TMED3: variants seen among roughly 807,000 people sequenced by gnomAD.
TMED3 encodes the protein transmembrane p24 trafficking protein 3.
Under a neutral mutation model 15.0 loss-of-function variants are expected in TMED3, and 9 were observed. The ratio of observed to expected loss-of-function variants is 0.60; its 90% CI spans 0.36 to 1.04. The LOEUF is 1.04. TMED3 is among the 50% of genes least tolerant of loss of function. TMED3 has a pLI of 0.01. For missense variants in TMED3, 267 were observed against 278.9 expected (o/e 0.96, Z 0.30); for synonymous variants, 117 against 121.4 (o/e 0.96, Z 0.24).
rs1270451124 is a variant in TMED3, at chr15:79,314,011, T to A, written c.417+6T>A. The A allele has an allele frequency of 6.2e-7, 1 of 1,613,998 alleles. No individual in the cohort carries two copies. The highest frequency in any genetic ancestry group is 8.5e-7 in the Non-Finnish European group (1 of 1,180,008). ...GGGTCACAGCTCTCACCCAGGTGAGTGAACATTAGCAGTTCGGGGCTGCTG... is the reference window on the plus strand; with the variant it reads ...GGGTCACAGCTCTCACCCAGGTGAGAGAACATTAGCAGTTCGGGGCTGCTG... On this transcript the variant is annotated splice_donor_region_variant and intron_variant, in intron 2 of 2. Coordinates refer to ENST00000299705, the MANE Select transcript of TMED3 (RefSeq NM_007364.4).
Position 79,322,600 on chromosome 15 carries a change from T to C in TMED3, c.*386T>C. ...ATGCATGGGTCATTTGTCTTGGGTG[T>C]CCTATCCCATATGGAGAAGAAAGGG... On this transcript the variant is annotated 3_prime_UTR_variant, in exon 3 of 3. Transcript: ENST00000299705. The C allele has an allele frequency of 9.8e-7, 1 of 1,020,100 alleles. No individual in the cohort carries two copies. The highest frequency in any genetic ancestry group is 4.8e-4 in the Middle Eastern group (1 of 2,096). The allele number at this position is 1,020,100 out of a possible 1,614,324, so 63.2% of individuals were successfully genotyped here.
chr15:79,411,604 G>A, exon 3 of TMED3: 1 of 662,954 alleles, frequency 1.5e-6, no homozygotes, highest in Non-Finnish European at 2.8e-6. Flanking sequence ...CATGCACTGG[G>A]ACTAGCTCCT....
chr15:79,398,100 G>A (rs943696887), intron 2 of TMED3, among the ~76,000 whole-genome samples: 1 of 152,070 alleles, frequency 6.6e-6, no homozygotes, highest in Non-Finnish European at 1.5e-5. Flanking sequence ...ATCATACAGA[G>A]TAGTTTCACT....
chr15:79,385,670 C>T (rs147493511), intron 2 of TMED3, among the ~76,000 whole-genome samples: 1 of 152,278 alleles, frequency 6.6e-6, no homozygotes, highest in East Asian at 1.9e-4. Context: ...CTGGCAACCT[C>T]GAAGAGCACA....
downstream of TMED3, among the ~76,000 whole-genome samples, chr15:79,323,552 T>C (rs1322384256): frequency 6.6e-6 from 1 of 152,168 alleles, no homozygotes; most frequent in Non-Finnish European, 1.5e-5. Flanking sequence ...TGAAAAACAA[T>C]ACAAAAATCC....
intron 2 of TMED3, among the ~76,000 whole-genome samples, chr15:79,355,267 A>T (rs2058914322): frequency 6.6e-6 from 1 of 152,176 alleles, no homozygotes. Flanking sequence ...CAAAAACAAC[A>T]TAGCTCACTT....
intron 2 of TMED3, among the ~76,000 whole-genome samples, chr15:79,394,296 C>T (rs575089818): frequency 3.2e-4 from 49 of 152,248 alleles, no homozygotes; most frequent in Admixed American, 1.1e-3. Context: ...TCAGCCTTGC[C>T]GATCTTTATA....
chr15:79,409,587 A>G (rs1893944445), intron 2 of TMED3, among the ~76,000 whole-genome samples: 1 of 152,232 alleles, frequency 6.6e-6, no homozygotes, highest in Admixed American at 6.5e-5. Context: ...GGTCGTTGGA[A>G]TAGATTTCTT....
chr15:79,388,148 A>G (rs766937357), intron 2 of TMED3, among the ~76,000 whole-genome samples: 4 of 152,088 alleles, frequency 2.6e-5, no homozygotes, highest in Non-Finnish European at 5.9e-5. Context: ...TAGTGAGTGA[A>G]TATTTTTGTC....
chr15:79,356,473 T>C (rs1008257234), intron 2 of TMED3, among the ~76,000 whole-genome samples: 6 of 152,318 alleles, frequency 3.9e-5, no homozygotes, highest in Non-Finnish European at 5.9e-5. Flanking sequence ...TCCTAGGACC[T>C]GGATGGCAGC....
At chr15:79,314,119 G>A (rs551036494) in intron 2 of TMED3, 114 bp downstream of exon 2, 1 of 1,435,758 alleles carries the variant, frequency 7.0e-7, no homozygotes, top group South Asian at 1.4e-5. Flanking sequence ...CAGTCTGGAA[G>A]TCTCAGGGTT....
At chr15:79,318,831 C>G (rs2058751814) in intron 2 of TMED3, among the ~76,000 whole-genome samples, 1 of 152,214 alleles carries the variant, frequency 6.6e-6, no homozygotes, top group Non-Finnish European at 1.5e-5. Flanking sequence ...TACACCTGAG[C>G]TTTCTTTTCT....
intron 2 of TMED3, among the ~76,000 whole-genome samples, chr15:79,328,749 C>A (rs2058796726): frequency 6.6e-6 from 1 of 152,220 alleles, no homozygotes; most frequent in African/African-American, 2.4e-5. Context: ...CTCTCTCACA[C>A]ACACAGCTGT....
Position 79,322,295 on chromosome 15 carries a change from G to A in TMED3, c.*81G>A, listed in dbSNP as rs545287561. The A allele has an allele frequency of 9.1e-6, 14 of 1,531,768 alleles. No homozygotes were observed. Among genetic ancestry groups the A allele is most frequent in the African/African-American group, 8.3e-5 (6 of 72,562 alleles). 94.9% of individuals were successfully genotyped at this position (1,531,768 alleles called of 1,614,324 possible). On this transcript the variant is annotated 3_prime_UTR_variant, in exon 3 of 3. Transcript: ENST00000299705. ...GTCACAGCCTGCTGGGCTGGGTCGCGTAGCCCAGGGTGGAGGCAGAACGAT... is the reference window on the plus strand; with the variant it reads ...GTCACAGCCTGCTGGGCTGGGTCGCATAGCCCAGGGTGGAGGCAGAACGAT...
At chr15:79,340,449 C>T (rs1446144722) in intron 2 of TMED3, among the ~76,000 whole-genome samples, 1 of 152,212 alleles carries the variant, frequency 6.6e-6, no homozygotes. Context: ...TCTTGAGACA[C>T]CCTGAGCCAG....
At chr15:79,349,384 G>A (rs536095615) in intron 2 of TMED3, among the ~76,000 whole-genome samples, 28 of 151,916 alleles carry the variant, frequency 1.8e-4, no homozygotes, top group African/African-American at 6.5e-4. Flanking sequence ...ATCATCTCTG[G>A]TAATGGAGAT....
At chr15:79,338,804 C>A (rs753449329) in intron 2 of TMED3, among the ~76,000 whole-genome samples, 2 of 152,202 alleles carry the variant, frequency 1.3e-5, no homozygotes, top group Non-Finnish European at 2.9e-5. Flanking sequence ...CTTGGTCTAA[C>A]GGTAATGCCA....
At chr15:79,327,950 T>C (rs1279322196) in intron 2 of TMED3, among the ~76,000 whole-genome samples, 1 of 152,204 alleles carries the variant, frequency 6.6e-6, no homozygotes, top group Non-Finnish European at 1.5e-5. Flanking sequence ...TTCTATGTGT[T>C]TGGGGGCTTG....
downstream of TMED3, among the ~76,000 whole-genome samples, chr15:79,325,769 A>G (rs2058785027): frequency 6.6e-6 from 1 of 152,194 alleles, no homozygotes; most frequent in Non-Finnish European, 1.5e-5. Context: ...GTATAAGTCC[A>G]AGAATCCAAA....
Sources: allele counts gnomAD v4.1 joint callset (sites outside exome capture counted in the v4.1 genomes callset), GRCh38; gene constraint gnomAD v4.1.1; transcripts MANE v1.5; gene names NCBI Gene and HGNC (gene_info 2026-07-23, HGNC 2026-07-21).